Variants in ROBO2 observed in about 807,000 individuals in gnomAD.
The protein encoded by ROBO2 is roundabout homolog 2.
A neutral mutation model predicts 160.8 loss-of-function variants in ROBO2; 53 were observed. The observed-to-expected ratio is 0.33, with a 90% CI of 0.26 to 0.41. ROBO2 has a LOEUF of 0.41. Among genes scored for constraint, ROBO2 ranks in the 10% least tolerant of loss-of-function variants. ROBO2 has a pLI of 1.00. For missense variants in ROBO2, 1,577 were observed against 1,722.4 expected, an observed-to-expected ratio of 0.92 and a Z score of 1.49; for synonymous variants, 664 against 611.7, an observed-to-expected ratio of 1.09 and a Z score of -1.26.
chr3:77,108,425 C>T (rs979322349), intron 2 of ROBO2, among the ~76,000 whole-genome samples: 13 of 152,064 alleles, frequency 8.5e-5, no homozygotes, highest in East Asian at 1.9e-4. Flanking sequence ...TGACCCCCCC[C>T]TACCTTGGCC....
chr3:77,447,789 C>G (rs2080709836), intron 2 of ROBO2, among the ~76,000 whole-genome samples: 1 of 152,020 alleles, frequency 6.6e-6, no homozygotes, highest in African/African-American at 2.4e-5. Context: ...AGAAAGAATC[C>G]ATATATGTTA....
chr3:77,105,300 A>T (rs1038727240), intron 2 of ROBO2, among the ~76,000 whole-genome samples: 16 of 152,328 alleles, frequency 1.1e-4, no homozygotes, highest in African/African-American at 3.6e-4. Context: ...ACTGGAACTA[A>T]TATTTACAGG....
chr3:76,508,864 T>C (rs934031024), intron 2 of ROBO2, among the ~76,000 whole-genome samples: 7 of 152,232 alleles, frequency 4.6e-5, no homozygotes, highest in Non-Finnish European at 1.0e-4. Context: ...TTTGATTTCA[T>C]TAATATAGTA....
intron 2 of ROBO2, among the ~76,000 whole-genome samples, chr3:76,545,052 A>AT (rs909437065): frequency 1.7e-4 from 26 of 151,416 alleles, no homozygotes; most frequent in Non-Finnish European, 1.5e-4. Context: ...AACGAACTGG[A>AT]TTTTTTTTTA....
chr3:76,883,184 C>T (rs2073534612), intron 2 of ROBO2, among the ~76,000 whole-genome samples: 1 of 152,132 alleles, frequency 6.6e-6, no homozygotes, highest in South Asian at 2.1e-4. Context: ...TCTATATACA[C>T]ATAAGATATA....
chr3:76,284,339 C>T (rs530829772), intron 2 of ROBO2, among the ~76,000 whole-genome samples: 1 of 151,958 alleles, frequency 6.6e-6, no homozygotes, highest in South Asian at 2.1e-4. Context: ...TCTGGTCTTT[C>T]CCTGATGTTT....
At chr3:77,101,995 G>A (rs1356729162) in intron 2 of ROBO2, among the ~76,000 whole-genome samples, 1 of 152,206 alleles carries the variant, frequency 6.6e-6, no homozygotes, top group Non-Finnish European at 1.5e-5. Context: ...AGCTGGGATG[G>A]TGCCAATGCA....
At position 77,188,949 on chromosome 3, in the gene ROBO2, TTG is replaced by T. The variant is rs369545817; in HGVS notation, c.388+90628_388+90629del. Among the ~76,000 whole-genome samples, 90 of 142,964 alleles carry T rather than the reference TTG, an allele frequency of 6.3e-4. 1 individual carries two copies. Among genetic ancestry groups the T allele is most frequent in the African/African-American group, 2.1e-3 (81 of 39,512 alleles). The allele number at this position is 142,964 out of a possible 152,430, so 93.8% of individuals were successfully genotyped here. A position where few individuals can be genotyped will look rare whatever the true frequency, so the allele number is the denominator to read the frequency against. ...TTGAAGCCAGATTACTTTTGTAATC[TTG>T]TGTGTGTGTGTGTGTGTGAGAGAGA... On this transcript the variant is annotated intron_variant, in intron 2 of 25. Coordinates refer to ENST00000461745, the Ensembl canonical transcript of ROBO2.
intron 2 of ROBO2, among the ~76,000 whole-genome samples, chr3:77,199,789 A>AT (rs903511776): frequency 0.016 from 1,971 of 119,588 alleles, 62 homozygotes; most frequent in African/African-American, 0.048. Context: ...TACCTCGCTA[A>AT]TTTTTTTTTT....
chr3:77,180,462 G>A (rs1220928351), intron 2 of ROBO2, among the ~76,000 whole-genome samples: 2 of 109,462 alleles, frequency 1.8e-5, no homozygotes, highest in African/African-American at 6.4e-5. Context: ...TTGAGACAGA[G>A]TCTCACTGTG....
At chr3:75,988,662 A>C (rs2065481955) in intron 2 of ROBO2, among the ~76,000 whole-genome samples, 1 of 151,984 alleles carries the variant, frequency 6.6e-6, no homozygotes, top group African/African-American at 2.4e-5. Flanking sequence ...ACTATGTCCC[A>C]TAATTTTTGT....
intron 2 of ROBO2, among the ~76,000 whole-genome samples, chr3:77,250,089 T>G (rs184578757): frequency 2.6e-5 from 4 of 152,290 alleles, no homozygotes; most frequent in Admixed American, 2.0e-4. Flanking sequence ...TGCTATAAGA[T>G]TACTTTAAAA....
rs59555020 is a variant in ROBO2 at position 76,446,981 on chromosome 3, A to G, written c.109+509379A>G. Among the ~76,000 whole-genome samples the G allele has an allele frequency of 3.4e-3, 520 of 152,126 alleles. 14 individuals are homozygous for G. Among genetic ancestry groups the G allele is most frequent in the Admixed American group, 0.03 (464 of 15,264 alleles). ...AATACCATTCAGGACATAGGCATGGACAAGGACTTCATGTCTAAAACACCA... is the reference window on the plus strand; with the variant it reads ...AATACCATTCAGGACATAGGCATGGGCAAGGACTTCATGTCTAAAACACCA... On this transcript the variant is annotated intron_variant, in intron 2 of 26. Coordinates refer to the ROBO2 transcript ENST00000487694.
At position 77,467,752 on chromosome 3, in the gene ROBO2, TA is replaced by T. The variant is rs202064794; in HGVS notation, c.389-9650del. Among the ~76,000 whole-genome samples the T allele has an allele frequency of 4.0e-3, 566 of 141,858 alleles. 3 individuals carry two copies. The highest frequency in any genetic ancestry group is 7.7e-3 in the African/African-American group (298 of 38,740). The allele number at this position is 141,858 out of a possible 152,430, so 93.1% of individuals were successfully genotyped here. ...GTTACCATCTTAAAAAGCACTAATA[TA>T]AAAAAAAAAAAGCCAGCCTGTGTAG... On this transcript the variant is annotated intron_variant, in intron 2 of 25. Coordinates refer to ENST00000461745, the Ensembl canonical transcript of ROBO2.
intron 2 of ROBO2, among the ~76,000 whole-genome samples, chr3:76,897,491 T>A (rs565258688): frequency 5.9e-5 from 9 of 152,048 alleles, no homozygotes; most frequent in Non-Finnish European, 1.3e-4. Flanking sequence ...AAAATCACAT[T>A]TTGCTCTGAT....
At chr3:76,503,460 C>G (rs1189747276) in intron 2 of ROBO2, among the ~76,000 whole-genome samples, 1 of 152,040 alleles carries the variant, frequency 6.6e-6, no homozygotes, top group Non-Finnish European at 1.5e-5. Flanking sequence ...GGTATATATT[C>G]AAAGGAAAAA....
intron 2 of ROBO2, among the ~76,000 whole-genome samples, chr3:76,668,090 C>G (rs2092122917): frequency 6.6e-6 from 1 of 152,114 alleles, no homozygotes; most frequent in African/African-American, 2.4e-5. Flanking sequence ...ATACTTCTCT[C>G]TCTTAGCTCA....
intron 22 of ROBO2, among the ~76,000 whole-genome samples, chr3:77,621,737 C>A (rs921132902): frequency 7.9e-5 from 12 of 151,954 alleles, no homozygotes; most frequent in East Asian, 7.7e-4. Context: ...GGGGAGGAAG[C>A]CTTCTAGGGT....
chr3:76,551,379 G>T (rs2083410056), intron 2 of ROBO2, among the ~76,000 whole-genome samples: 1 of 152,118 alleles, frequency 6.6e-6, no homozygotes, highest in Admixed American at 6.5e-5. Flanking sequence ...GGTCTCCTGA[G>T]AGCTGTTCTG....
Sources: gnomAD v4.1 joint callset for allele counts (sites outside exome capture counted in the v4.1 genomes callset) on GRCh38, gnomAD v4.1.1 for gene constraint, MANE v1.5 for transcripts, NCBI Gene and HGNC (gene_info 2026-07-23, HGNC 2026-07-21) for gene names.